The following SLC35F4 variants were observed in gnomAD, a reference collection of about 807,000 sequenced individuals.
SLC35F4 encodes solute carrier family 35 member F4.
SLC35F4 carries 24 observed loss-of-function variants against 44.2 expected under a neutral mutation model. The observed-to-expected ratio is 0.54, with a 90% CI of 0.39 to 0.76. The LOEUF (loss-of-function observed/expected upper bound fraction) is 0.76, where lower values mean the gene tolerates loss of function less well. Among genes scored for constraint, SLC35F4 ranks in the 30% least tolerant of loss-of-function variants. The probability of loss-of-function intolerance (pLI) is 0.00; values close to 1 mark genes in which losing one functional copy is unlikely to be tolerated. For synonymous variants in SLC35F4, 238 were observed against 223.6 expected (o/e 1.06, Z -0.57); for missense variants, 562 against 586.1 (o/e 0.96, Z 0.42).
intron 1 of SLC35F4, among the ~76,000 whole-genome samples, chr14:57,873,664 G>A (rs1284575820): frequency 1.3e-5 from 2 of 152,072 alleles, no homozygotes; most frequent in African/African-American, 2.4e-5. Context: ...GGTGATAAGA[G>A]GAGTGAAATT....
At chr14:57,969,429 T>C (rs1880984684) in intron 1 of SLC35F4, among the ~76,000 whole-genome samples, 1 of 152,198 alleles carries the variant, frequency 6.6e-6, no homozygotes, top group Non-Finnish European at 1.5e-5. Flanking sequence ...TATTGCAAAA[T>C]AAAATATATT....
chr14:57,649,224 C>T (rs541765769), intron 1 of SLC35F4, among the ~76,000 whole-genome samples: 7 of 152,268 alleles, frequency 4.6e-5, no homozygotes, highest in South Asian at 2.1e-4. Flanking sequence ...TTTCCTCTTG[C>T]GGCTGTAACA....
At chr14:57,962,654 G>A (rs553611792) in intron 1 of SLC35F4, among the ~76,000 whole-genome samples, 35 of 152,328 alleles carry the variant, frequency 2.3e-4, no homozygotes, top group Non-Finnish European at 4.0e-4. Context: ...GATTGAAACC[G>A]TGAGAAACTT....
At chr14:57,770,399 A>ATAGT (rs2077335829) in intron 1 of SLC35F4, among the ~76,000 whole-genome samples, 1 of 152,206 alleles carries the variant, frequency 6.6e-6, no homozygotes, top group African/African-American at 2.4e-5. Context: ...GTTGTTGGGC[A>ATAGT]TAGTTTGTTT....
At chr14:57,768,145 C>T (rs902123465) in intron 1 of SLC35F4, among the ~76,000 whole-genome samples, 6 of 152,052 alleles carry the variant, frequency 3.9e-5, no homozygotes, top group Non-Finnish European at 7.4e-5. Context: ...TTTGTGAGGC[C>T]AGTGTTATCA....
intron 1 of SLC35F4, among the ~76,000 whole-genome samples, chr14:57,671,100 C>A (rs2074505347): frequency 6.6e-6 from 1 of 151,912 alleles, no homozygotes; most frequent in African/African-American, 2.4e-5. Flanking sequence ...GAAGGGGTTT[C>A]ACTATGTTGG....
intron 1 of SLC35F4, among the ~76,000 whole-genome samples, chr14:57,631,878 C>T (rs553885013): frequency 4.6e-5 from 7 of 152,142 alleles, no homozygotes; most frequent in Admixed American, 2.6e-4. Context: ...AAAAAAGTCT[C>T]GGATTGCTTG....
At chr14:57,664,122 C>T (rs1238839264) in intron 1 of SLC35F4, among the ~76,000 whole-genome samples, 2 of 152,120 alleles carry the variant, frequency 1.3e-5, no homozygotes, top group Non-Finnish European at 2.9e-5. Context: ...GTGTTGCCTA[C>T]CACCTACAGG....
chr14:57,652,526 A>G (rs2073820836), intron 1 of SLC35F4, among the ~76,000 whole-genome samples: 1 of 152,194 alleles, frequency 6.6e-6, no homozygotes, highest in Admixed American at 6.5e-5. Flanking sequence ...AGTCATGTTC[A>G]GAGATGCTTT....
chr14:57,744,264 T>C (rs531201428), intron 1 of SLC35F4, among the ~76,000 whole-genome samples: 1 of 152,114 alleles, frequency 6.6e-6, no homozygotes, highest in African/African-American at 2.4e-5. Flanking sequence ...GGTATTCAAT[T>C]AGGAAAAGAG....
chr14:57,926,302 T>C (rs1311523120), intron 1 of SLC35F4, among the ~76,000 whole-genome samples: 1 of 152,234 alleles, frequency 6.6e-6, no homozygotes, highest in African/African-American at 2.4e-5. Context: ...GGGCTCTGGC[T>C]GCCAAACATT....
At chr14:57,827,699 C>T (rs1363394809) in intron 1 of SLC35F4, among the ~76,000 whole-genome samples, 1 of 151,780 alleles carries the variant, frequency 6.6e-6, no homozygotes, top group Non-Finnish European at 1.5e-5. Flanking sequence ...TATGAAATCT[C>T]CACAGTGAGG....
chr14:57,870,414 A>G (rs1040144126), upstream of SLC35F4, among the ~76,000 whole-genome samples: 13 of 152,092 alleles, frequency 8.5e-5, no homozygotes, highest in African/African-American at 3.1e-4. Context: ...ATCTTTTGAA[A>G]TCTCTATGAC....
At chr14:57,614,121 G>C (rs2071669667) in intron 1 of SLC35F4, among the ~76,000 whole-genome samples, 1 of 152,172 alleles carries the variant, frequency 6.6e-6, no homozygotes, top group Non-Finnish European at 1.5e-5. Context: ...TTTGGCTGCA[G>C]ATTGGTGCTA....
intron 1 of SLC35F4, among the ~76,000 whole-genome samples, chr14:57,901,661 C>A (rs191486438): frequency 6.6e-6 from 1 of 152,170 alleles, no homozygotes; most frequent in Admixed American, 6.6e-5. Flanking sequence ...TGCACATGTA[C>A]CTCTGAACCT....
At chr14:57,731,001 T>C (rs1458571473) in intron 1 of SLC35F4, among the ~76,000 whole-genome samples, 1 of 152,194 alleles carries the variant, frequency 6.6e-6, no homozygotes, top group Non-Finnish European at 1.5e-5. Flanking sequence ...GAGAATATTA[T>C]ATTTAAGTTA....
At chr14:57,787,933 T>C (rs2077809331) in intron 1 of SLC35F4, among the ~76,000 whole-genome samples, 1 of 152,070 alleles carries the variant, frequency 6.6e-6, no homozygotes, top group African/African-American at 2.4e-5. Context: ...AATACTAACA[T>C]TGAATGTAAA....
intron 1 of SLC35F4, among the ~76,000 whole-genome samples, chr14:57,674,602 G>A (rs1383258637): frequency 6.6e-6 from 1 of 152,082 alleles, no homozygotes; most frequent in Non-Finnish European, 1.5e-5. Context: ...AGCAGCTACA[G>A]CACACACTAT....
intron 1 of SLC35F4, among the ~76,000 whole-genome samples, chr14:57,622,346 C>T (rs2072230163): frequency 6.9e-6 from 1 of 145,066 alleles, no homozygotes; most frequent in East Asian, 1.9e-4. Flanking sequence ...ATAAATCATG[C>T]TGCTATAAAG....
Sources: gnomAD v4.1 joint callset for allele counts (sites outside exome capture counted in the v4.1 genomes callset) on GRCh38, gnomAD v4.1.1 for gene constraint, MANE v1.5 for transcripts, NCBI Gene and HGNC (gene_info 2026-07-23, HGNC 2026-07-21) for gene names.